Variants in ARHGAP24 observed in about 807,000 individuals in gnomAD.
ARHGAP24 encodes the protein rho GTPase-activating protein 24.
In ARHGAP24, 50 loss-of-function variants were observed where a neutral mutation model predicts 76.4. The observed-to-expected ratio is 0.65, with a 90% CI of 0.52 to 0.83. The LOEUF is 0.83. Among genes scored for constraint, ARHGAP24 ranks in the 40% least tolerant of loss-of-function variants. ARHGAP24 has a pLI of 0.00. For synonymous variants in ARHGAP24, 345 were observed against 323.3 expected, an observed-to-expected ratio of 1.07 and a Z score of -0.72; for missense variants, 930 against 914.2, an observed-to-expected ratio of 1.02 and a Z score of -0.22.
chr4:85,531,883 C>CCCATGGGATAT, intron 1 of ARHGAP24, among the ~76,000 whole-genome samples: 2 of 152,172 alleles, frequency 1.3e-5, no homozygotes, highest in South Asian at 4.1e-4. Flanking sequence ...TATCAATGAT[C>CCCATGGGATAT]AATTCCCATG....
intron 3 of ARHGAP24, among the ~76,000 whole-genome samples, chr4:85,755,240 C>T (rs756289802): frequency 2.0e-5 from 3 of 152,024 alleles, no homozygotes; most frequent in Non-Finnish European, 4.4e-5. Context: ...TCCCAGTGTA[C>T]TTATGGGGAC....
chr4:85,636,175 C>T (rs886733353), intron 2 of ARHGAP24, among the ~76,000 whole-genome samples: 89 of 151,904 alleles, frequency 5.9e-4, no homozygotes, highest in African/African-American at 2.0e-3. Context: ...CATCGTATTG[C>T]ACTTTCCTTG....
At chr4:85,848,259 G>A (rs1423128201) in intron 3 of ARHGAP24, among the ~76,000 whole-genome samples, 1 of 152,140 alleles carries the variant, frequency 6.6e-6, no homozygotes, top group African/African-American at 2.4e-5. Context: ...ATATATACAT[G>A]TGCCATGTTG....
chr4:85,970,300 G>T (rs1738896620), intron 5 of ARHGAP24, among the ~76,000 whole-genome samples: 1 of 152,072 alleles, frequency 6.6e-6, no homozygotes, highest in Admixed American at 6.6e-5. Context: ...TCGGATCTTG[G>T]CTCCAACATC....
At chr4:85,633,555 T>C (rs1423342144) in intron 2 of ARHGAP24, among the ~76,000 whole-genome samples, 1 of 151,910 alleles carries the variant, frequency 6.6e-6, no homozygotes, top group Non-Finnish European at 1.5e-5. Context: ...ATATGTAAAA[T>C]ACACAATTTC....
chr4:86,001,257 T>C lies in ARHGAP24; in HGVS notation c.*535T>C, dbSNP rs1741002594. 1 of 398,952 alleles carries C rather than the reference T, an allele frequency of 2.5e-6. No homozygotes were observed. 24.7% of individuals were successfully genotyped at this position (398,952 alleles called of 1,614,324 possible). A position where few individuals can be genotyped will look rare whatever the true frequency, so the allele number is the denominator to read the frequency against. ...CTGTGCTGTTTGTGCCAATAGACTT[T>C]GTCATGACCAAAAAGAGAAATGTAA... On this transcript the variant is annotated 3_prime_UTR_variant, in exon 10 of 10. Transcript: ENST00000395184.
In ARHGAP24 at chr4:85,942,115, T is replaced by C. The variant is rs772914890; in HGVS notation, c.441T>C (p.Tyr147=). The C allele has an allele frequency of 6.2e-6, 10 of 1,613,854 alleles. No homozygotes were observed. The highest frequency in any genetic ancestry group is 1.7e-5 in the Admixed American group (1 of 59,980). ...ATACTGTTCGTTATGAGAAGAGATA[T>C]GGGAACCGTCTGGCTCCGATGTTGG... ...LEDTVRYEKR[Y]GNRLAPMLVE... Residue 147 remains tyrosine (Y), a synonymous_variant, in exon 5 of 10, where the codon TAT becomes TAC. Coordinates refer to ENST00000395184, the MANE Select transcript of ARHGAP24 (RefSeq NM_001025616.3).
At chr4:85,501,165 A>G (rs2110099226) in intron 1 of ARHGAP24, among the ~76,000 whole-genome samples, 1 of 152,324 alleles carries the variant, frequency 6.6e-6, no homozygotes, top group East Asian at 1.9e-4. Flanking sequence ...TGCTATTGTG[A>G]ATAGTGCCAC....
At chr4:85,841,156 CTT>C (rs1730576215) in intron 3 of ARHGAP24, among the ~76,000 whole-genome samples, 1 of 152,160 alleles carries the variant, frequency 6.6e-6, no homozygotes, top group South Asian at 2.1e-4. Context: ...TTCAGAATCT[CTT>C]TTTATATTTA....
intron 3 of ARHGAP24, among the ~76,000 whole-genome samples, chr4:85,804,538 G>A (rs1728712000): frequency 6.6e-6 from 1 of 152,076 alleles, no homozygotes; most frequent in South Asian, 2.1e-4. Context: ...ATATAAATGA[G>A]CATGGCTTAT....
In ARHGAP24 at chr4:85,740,614, C is replaced by T. The variant is rs144702747; in HGVS notation, c.268+18642C>T. ...TACCTGTTTTATTTACTGTCATATA[C>T]TGTGTGCTTGCTTGTGGTTGGCACT... On this transcript the variant is annotated intron_variant, in intron 3 of 9. Transcript: ENST00000395184. Among the ~76,000 whole-genome samples, 31 of 152,296 alleles carry T rather than the reference C, an allele frequency of 2.0e-4. No individual in the cohort carries two copies. The East Asian group carries it at 6.0e-3, about 29-fold the overall frequency.
chr4:85,814,376 T>G (rs1255579400), intron 3 of ARHGAP24, among the ~76,000 whole-genome samples: 1 of 152,286 alleles, frequency 6.6e-6, no homozygotes, highest in Non-Finnish European at 1.5e-5. Context: ...CTTCCACCTA[T>G]AAGCCTGTAA....
At chr4:85,586,899 AAAAT>A (rs1380592072) in intron 2 of ARHGAP24, among the ~76,000 whole-genome samples, 3 of 152,158 alleles carry the variant, frequency 2.0e-5, no homozygotes, top group African/African-American at 7.2e-5. Flanking sequence ...CTCCCTCTCA[AAAAT>A]AAATAAATAA....
In ARHGAP24 at chr4:85,778,553, G is replaced by A. The variant is rs140071788; in HGVS notation, c.268+56581G>A. ...CCTTATCTACAAAATGGGTTCACCC[G>A]GCTAAATTATATTTAAGGTCCTGAT... is the stretch of plus-strand genomic sequence containing the variant. On this transcript the variant is annotated intron_variant, in intron 3 of 9. Transcript: ENST00000395184. 12 of 619,796 alleles carry A rather than the reference G, an allele frequency of 1.9e-5. 1 individual carries two copies. Among genetic ancestry groups the A allele is most frequent in the Middle Eastern group, 8.4e-4 (1 of 1,190 alleles). 38.4% of individuals were successfully genotyped at this position (619,796 alleles called of 1,614,324 possible). A position where few individuals can be genotyped will look rare whatever the true frequency, so the allele number is the denominator to read the frequency against.
At chr4:85,534,058 G>A (rs983773027) in intron 1 of ARHGAP24, among the ~76,000 whole-genome samples, 2 of 152,154 alleles carry the variant, frequency 1.3e-5, no homozygotes, top group Non-Finnish European at 2.9e-5. Flanking sequence ...GTAGCATAAT[G>A]ATCTGATGTA....
intron 3 of ARHGAP24, among the ~76,000 whole-genome samples, chr4:85,810,500 G>A (rs1331510251): frequency 1.3e-5 from 2 of 152,230 alleles, no homozygotes; most frequent in African/African-American, 2.4e-5. Flanking sequence ...CACTCAACAT[G>A]GCTGAGTGAT....
At chr4:85,829,260 A>G (rs1729872010) in intron 3 of ARHGAP24, among the ~76,000 whole-genome samples, 1 of 152,236 alleles carries the variant, frequency 6.6e-6, no homozygotes. Context: ...TTAAAAACTA[A>G]TGAAGTAAAA....
In ARHGAP24 at chr4:85,975,059, G is replaced by A. The variant is rs187235116; in HGVS notation, c.806+98G>A. 6.5e-6 allele frequency: 7 copies of A among 1,071,560 alleles called. No individual in the cohort carries two copies. The East Asian group carries it at 7.2e-5, about 11-fold the overall frequency. The allele number at this position is 1,071,560 out of a possible 1,614,324, so 66.4% of individuals were successfully genotyped here. A position where few individuals can be genotyped will look rare whatever the true frequency, so the allele number is the denominator to read the frequency against. ...ACGAATAAAATCACTCAACTACTTC[G>A]AGCCCTAGTGTTGGCCTCTGTAAAA... is the stretch of plus-strand genomic sequence containing the variant. On this transcript the variant is annotated intron_variant, in intron 7 of 9. Coordinates refer to ENST00000395184, the MANE Select transcript of ARHGAP24 (RefSeq NM_001025616.3).
chr4:85,575,652 C>G (rs1578048624), intron 2 of ARHGAP24, among the ~76,000 whole-genome samples: 2 of 152,072 alleles, frequency 1.3e-5, no homozygotes, highest in Non-Finnish European at 2.9e-5. Context: ...GGGGGAGCAG[C>G]CAAGTCAGAG....
Sources: gnomAD v4.1 joint callset for allele counts (sites outside exome capture counted in the v4.1 genomes callset) on GRCh38, gnomAD v4.1.1 for gene constraint, MANE v1.5 for transcripts, NCBI Gene and HGNC (gene_info 2026-07-23, HGNC 2026-07-21) for gene names.